The following LIG1 variants were observed in gnomAD, a reference collection of about 807,000 sequenced individuals.
The protein encoded by LIG1 is DNA ligase 1.
Under a neutral mutation model 115.7 loss-of-function variants are expected in LIG1, and 70 were observed. The observed-to-expected ratio is 0.60, with a 90% CI of 0.50 to 0.74. The LOEUF (loss-of-function observed/expected upper bound fraction) is 0.74, where lower values mean the gene tolerates loss of function less well. LIG1 is among the 30% of genes least tolerant of loss of function. The pLI, the probability that LIG1 is intolerant of heterozygous loss-of-function variation, is 0.00. For synonymous variants in LIG1, 487 were observed against 495.3 expected, an observed-to-expected ratio of 0.98 and a Z score of 0.22; for missense variants, 1,115 against 1,225.6, an observed-to-expected ratio of 0.91 and a Z score of 1.35.
chr19:48,121,092 G>A, intron 24 of LIG1, 78 bp downstream of exon 24: 1 of 1,611,710 alleles, frequency 6.2e-7, no homozygotes, highest in Non-Finnish European at 8.5e-7. Flanking sequence ...CTCGGTCTGG[G>A]TTGTGCAATA....
At chr19:48,150,898 G>A (rs1337499560) in intron 7 of LIG1, among the ~76,000 whole-genome samples, 2 of 151,246 alleles carry the variant, frequency 1.3e-5, no homozygotes, top group Non-Finnish European at 2.9e-5. Context: ...ATGGGGTTTC[G>A]CCATGTTGCC....
At chr19:48,149,923 C>G in intron 8 of LIG1, 82 bp from the exon 9 acceptor site, 1 of 1,541,376 alleles carries the variant, frequency 6.5e-7, no homozygotes, top group Non-Finnish European at 8.9e-7. Flanking sequence ...CCAGCACCAC[C>G]CCAGTGCTCA....
In LIG1 at chr19:48,135,002, G is replaced by A. The variant is rs571087394; in HGVS notation, c.1523+678C>T. Among the ~76,000 whole-genome samples the A allele has an allele frequency of 1.5e-4, 23 of 152,328 alleles. No homozygotes were observed. The East Asian group carries it at 2.9e-3, about 19-fold the overall frequency. ...TCTGGAGCCCTCGTGGCCGCTCCAC[G>A]GATGTCCTCTCCATGACTGTCAAGA... On this transcript the variant is annotated intron_variant, in intron 16 of 27. Transcript: ENST00000263274.
At chr19:48,135,981 G>A in intron 15 of LIG1, 53 bp downstream of exon 15, 6 of 1,436,618 alleles carry the variant, frequency 4.2e-6, no homozygotes, top group East Asian at 2.5e-5. Flanking sequence ...GAGGAGGGGG[G>A]AAGCCTGAGG....
intron 2 of LIG1, 129 bp from the exon 3 acceptor site, chr19:48,162,480 C>G (rs2036239588): frequency 4.5e-6 from 3 of 665,030 alleles, no homozygotes; most frequent in Admixed American, 5.4e-5. Context: ...GTAGCCCAGG[C>G]TGGAGTGCAA....
At chr19:48,127,773 A>G (rs1482714695) in intron 20 of LIG1, 137 bp downstream of exon 20, 1 of 810,192 alleles carries the variant, frequency 1.2e-6, no homozygotes, top group East Asian at 2.4e-5. Flanking sequence ...TGTGGCAGCC[A>G]TTCTGCAGAA....
At chr19:48,132,129 G>A (rs1333127818) in intron 18 of LIG1, among the ~76,000 whole-genome samples, 4 of 151,632 alleles carry the variant, frequency 2.6e-5, no homozygotes, top group African/African-American at 4.8e-5. Flanking sequence ...GTAGAGATGG[G>A]GTTTCACCAT....
rs2035890823 is a variant in LIG1 at position 48,157,009 on chromosome 19, C to G, written c.370+5G>C. On this transcript the variant is annotated splice_donor_5th_base_variant and intron_variant, in intron 5 of 27. Coordinates refer to ENST00000263274, the MANE Select transcript of LIG1 (RefSeq NM_000234.3). The stretch of plus-strand genomic sequence containing the variant: ...CTGAAGGGGCAGGGGCCCGTGTGTT[C>G]TCACCTGTGCGACGCTTCGGAATCC... 6.8e-7 allele frequency: 1 copy of G among 1,480,504 alleles called. No homozygotes were observed. The allele number at this position is 1,480,504 out of a possible 1,614,324, so 91.7% of individuals were successfully genotyped here.
intron 2 of LIG1, among the ~76,000 whole-genome samples, chr19:48,162,926 T>TG (rs953895425): frequency 9.9e-5 from 15 of 151,726 alleles, no homozygotes; most frequent in African/African-American, 3.6e-4. Flanking sequence ...TTTAAATCTT[T>TG]TTTTTTTAGA....
Position 48,150,079 on chromosome 19 carries a change from G to GA in LIG1, c.697+8dup. The stretch of plus-strand genomic sequence containing the variant: ...ACCCCGGGAGGTGGGGTGAGCAAGG[G>GA]AAACTCACTGAAGAAGCTGCTGAGC... On this transcript the variant is annotated intron_variant, in intron 8 of 27. Transcript: ENST00000263274. 1.2e-6 allele frequency: 2 copies of GA among 1,614,146 alleles called. No individual in the cohort carries two copies. The highest frequency in any genetic ancestry group is 1.7e-6 in the Non-Finnish European group (2 of 1,180,034).
At chr19:48,118,974 C>G (rs923484785) in intron 25 of LIG1, among the ~76,000 whole-genome samples, 163 bp downstream of exon 25, 9 of 152,188 alleles carry the variant, frequency 5.9e-5, no homozygotes, top group Admixed American at 1.3e-4. Context: ...GAGACATGAA[C>G]CTGGAGATGC....
intron 1 of LIG1, among the ~76,000 whole-genome samples, chr19:48,166,164 AGGTG>A (rs2036471374): frequency 6.6e-6 from 1 of 152,218 alleles, no homozygotes; most frequent in Non-Finnish European, 1.5e-5. Flanking sequence ...TGGGAGGCCG[AGGTG>A]GGTGGATCAC....
intron 9 of LIG1, 147 bp from the exon 10 acceptor site, chr19:48,144,110 C>T (rs2034962353): frequency 6.8e-6 from 5 of 735,976 alleles, no homozygotes; most frequent in Non-Finnish European, 1.2e-5. Flanking sequence ...AGCTCACATT[C>T]CAGCAGGAGA....
At chr19:48,143,494 A>T (rs2034909245) in intron 11 of LIG1, 49 bp downstream of exon 11, 1 of 880,940 alleles carries the variant, frequency 1.1e-6, no homozygotes, top group Non-Finnish European at 1.9e-6. Context: ...TGCAGAGGAC[A>T]GACCCAGAAG....
In LIG1 at chr19:48,149,938, G is replaced by A. The variant is rs113131365; in HGVS notation, c.698-97C>T. 104 of 1,544,138 alleles carry A rather than the reference G, an allele frequency of 6.7e-5. 4 individuals are homozygous for A. The African/African-American group carries it at 7.5e-4, about 11-fold the overall frequency. ...CCAGCACCACCCCAGTGCTCAGGGA[G>A]ATGGGAGACAGGCTGGTAGAGACAA... On this transcript the variant is annotated intron_variant, in intron 8 of 27. Transcript: ENST00000263274.
chr19:48,132,348 AG>A (rs1026421214), intron 18 of LIG1, among the ~76,000 whole-genome samples: 2 of 152,116 alleles, frequency 1.3e-5, no homozygotes, highest in African/African-American at 4.8e-5. Flanking sequence ...CACGGCATGA[AG>A]GGGTCATGTA....
At chr19:48,156,433 C>A (rs2035842287) in intron 5 of LIG1, among the ~76,000 whole-genome samples, 1 of 152,176 alleles carries the variant, frequency 6.6e-6, no homozygotes. Flanking sequence ...TTCTGAGCAG[C>A]GTACACGTGT....
chr19:48,128,086 G>A (rs1264888448), intron 19 of LIG1, 66 bp from the exon 20 acceptor site: 27 of 1,259,122 alleles, frequency 2.1e-5, no homozygotes, highest in East Asian at 2.1e-4. Context: ...AGACAAACAC[G>A]GGGAGATAAA....
chr19:48,162,014 C>T (rs147124718), intron 3 of LIG1, among the ~76,000 whole-genome samples: 16 of 152,252 alleles, frequency 1.1e-4, no homozygotes, highest in African/African-American at 2.9e-4. Context: ...CGGCCAGCTT[C>T]TCTGCATTAT....
Sources: allele counts gnomAD v4.1 joint callset (sites outside exome capture counted in the v4.1 genomes callset), GRCh38; gene constraint gnomAD v4.1.1; transcripts MANE v1.5; gene names NCBI Gene and HGNC (gene_info 2026-07-23, HGNC 2026-07-21).